The following ACOX3 variants were observed in gnomAD, a reference collection of about 807,000 sequenced individuals.
The protein encoded by ACOX3 is acyl-CoA oxidase 3, pristanoyl, also known as peroxisomal acyl-coenzyme A oxidase 3.
In ACOX3, 73 loss-of-function variants were observed where a neutral mutation model predicts 81.5. The observed-to-expected ratio is 0.90, with a 90% CI of 0.74 to 1.09. The LOEUF (loss-of-function observed/expected upper bound fraction) is 1.09. Among genes scored for constraint, ACOX3 ranks in the 50% least tolerant of loss-of-function variants. The probability of loss-of-function intolerance (pLI) is 0.00; values close to 1 mark genes in which losing one functional copy is unlikely to be tolerated. For missense variants in ACOX3, 947 were observed against 928.0 expected, an observed-to-expected ratio of 1.02 and a Z score of -0.27; for synonymous variants, 387 against 375.1, an observed-to-expected ratio of 1.03 and a Z score of -0.37.
At chr4:8,391,974 G>A (rs1719042727) in intron 11 of ACOX3, among the ~76,000 whole-genome samples, 1 of 152,268 alleles carries the variant, frequency 6.6e-6, no homozygotes, top group Admixed American at 6.5e-5. Flanking sequence ...CAGATCAGCT[G>A]CTCTCTGCCT....
At chr4:8,439,594 C>T (rs1357026500) in intron 1 of ACOX3, among the ~76,000 whole-genome samples, 1 of 152,178 alleles carries the variant, frequency 6.6e-6, no homozygotes, top group Non-Finnish European at 1.5e-5. Flanking sequence ...AGGAAAAAAG[C>T]TTTTAAGACC....
chr4:8,372,864 C>T (rs773696033), intron 16 of ACOX3, among the ~76,000 whole-genome samples: 7 of 152,188 alleles, frequency 4.6e-5, no homozygotes, highest in East Asian at 1.9e-4. Flanking sequence ...CCCTGCCCAC[C>T]GCAGCAGCAC....
In ACOX3 at chr4:8,370,861, C is replaced by A; in HGVS notation, c.1983+47G>T. 3 of 1,557,080 alleles carry A rather than the reference C, an allele frequency of 1.9e-6. No homozygotes were observed. Among genetic ancestry groups the A allele is most frequent in the Non-Finnish European group, 2.7e-6 (3 of 1,130,942 alleles). ...GGAGCATCTCAGCTCCGCAGAAATG[C>A]CCATCAACCCTTGGGGCACTCCCGT... On this transcript the variant is annotated intron_variant, in intron 17 of 17. Coordinates refer to ENST00000356406, the MANE Select transcript of ACOX3 (RefSeq NM_003501.3). This position sits in a 1 kb window ranked among gnomAD's most constrained non-coding sequence, Gnocchi z 6.3.
At chr4:8,390,889 C>T (rs936523446) in intron 11 of ACOX3, among the ~76,000 whole-genome samples, 17 of 152,146 alleles carry the variant, frequency 1.1e-4, no homozygotes, top group African/African-American at 3.4e-4. Context: ...CTTCCTGCCA[C>T]GTAACAGGTT....
chr4:8,414,377 AAAATCT>A lies in ACOX3; in HGVS notation c.454-2_457del. 6.2e-7 allele frequency: 1 copy of A among 1,614,106 alleles called. No individual in the cohort carries two copies. The highest frequency in any genetic ancestry group is 8.5e-7 in the Non-Finnish European group (1 of 1,179,916). ...TAATTCGGTCAGAGCAAAACATCCA[AAAATCT>A]AAATGTCAAAGCACAAAATGATGGA... On this transcript the variant is annotated splice_acceptor_variant and coding_sequence_variant, in exon 5 of 18. Coordinates refer to ENST00000356406, the MANE Select transcript of ACOX3 (RefSeq NM_003501.3). LOFTEE classifies it high-confidence loss of function. This position sits in a 1 kb window ranked among gnomAD's most constrained non-coding sequence, Gnocchi z 6.1.
Position 8,381,130 on chromosome 4 carries a change from G to A in ACOX3, c.1653+362C>T, listed in dbSNP as rs551020784. Among the ~76,000 whole-genome samples, 118 of 152,282 alleles carry A rather than the reference G, an allele frequency of 7.7e-4. 1 individual carries two copies. The highest frequency in any genetic ancestry group is 1.2e-3 in the Non-Finnish European group (84 of 68,018). ...CAACTTGTGGAAAACCAAGCAGGGC[G>A]CTGGCATCACTCCCACGAGTCAGGA... On this transcript the variant is annotated intron_variant, in intron 14 of 17. Transcript: ENST00000356406. The surrounding 1 kb of genome is among the most constrained non-coding windows in gnomAD (Gnocchi z 4.3).
Position 8,419,162 on chromosome 4 carries a change from G to A in ACOX3, c.-14-2627C>T, listed in dbSNP as rs1296263313. ...AAAGAACCAGATAAATAGGCCAGGC[G>A]CAGTGGCTCATGCCTGTAATCCCAG... On this transcript the variant is annotated intron_variant, in intron 1 of 17. Transcript: ENST00000356406. This position sits in a 1 kb window ranked among gnomAD's most constrained non-coding sequence, Gnocchi z 4.2. Among the ~76,000 whole-genome samples, 2 of 151,982 alleles carry A rather than the reference G, an allele frequency of 1.3e-5. No homozygotes were observed. The highest frequency in any genetic ancestry group is 2.9e-5 in the Non-Finnish European group (2 of 67,988).
rs1480799968 is a variant in ACOX3, at chr4:8,423,604, G to A, written c.-14-7069C>T. Among the ~76,000 whole-genome samples the A allele has an allele frequency of 1.3e-5, 2 of 152,198 alleles. No homozygotes were observed. The highest frequency in any genetic ancestry group is 2.9e-5 in the Non-Finnish European group (2 of 68,042). ...GAAACCCAATGGACAGTGGAGGTTA[G>A]TGCAAGATCTCAGGATTATCAATGA... On this transcript the variant is annotated intron_variant, in intron 1 of 17. Transcript: ENST00000356406. This position sits in a 1 kb window ranked among gnomAD's most constrained non-coding sequence, Gnocchi z 4.2.
intron 1 of ACOX3, among the ~76,000 whole-genome samples, chr4:8,421,212 G>C (rs1722904313): frequency 1.3e-5 from 2 of 152,346 alleles, no homozygotes; most frequent in South Asian, 4.1e-4. Context: ...CCCTTCCTTA[G>C]AATTGGAGGA....
rs1718252104 is a variant in ACOX3, at chr4:8,386,004, A to G, written c.1537+3169T>C. Among the ~76,000 whole-genome samples, 1 of 152,208 alleles carries G rather than the reference A, an allele frequency of 6.6e-6. No individual in the cohort carries two copies. Among genetic ancestry groups the G allele is most frequent in the African/African-American group, 2.4e-5 (1 of 41,432 alleles). ...TTTCACTTTGTTGCATCTTGTAAAT[A>G]TTAGAGCAGTTGCAGAAAAGCAGAT... On this transcript the variant is annotated intron_variant, in intron 13 of 17. Coordinates refer to ENST00000356406, the MANE Select transcript of ACOX3 (RefSeq NM_003501.3). The surrounding 1 kb of genome is among the most constrained non-coding windows in gnomAD (Gnocchi z 5.2).
chr4:8,375,967 G>A (rs1374726831), intron 14 of ACOX3, among the ~76,000 whole-genome samples: 1 of 152,168 alleles, frequency 6.6e-6, no homozygotes, highest in Non-Finnish European at 1.5e-5. Flanking sequence ...ATAGCGCTGC[G>A]ATGGACATAC....
chr4:8,397,111 C>A lies in ACOX3; in HGVS notation c.882G>T (p.Arg294Ser). 5 of 1,554,624 alleles carry A rather than the reference C, an allele frequency of 3.2e-6. No individual in the cohort carries two copies. The highest frequency in any genetic ancestry group is 4.3e-6 in the Non-Finnish European group (5 of 1,153,844). The change falls in exon 9 of 18, where the codon AGG becomes AGT. Residue 294 changes from arginine to serine, a missense_variant. Coordinates refer to ENST00000356406, the MANE Select transcript of ACOX3 (RefSeq NM_003501.3). The stretch of plus-strand genomic sequence containing the variant: ...TCCCCAGGGACGCTCCAAAGCGCTG[C>A]CTGACGTCCTACGGGAGGGACACAG... ...GTYVSPFKDVRQRFGASLGSL... is the reference protein window; with the variant it reads ...GTYVSPFKDVSQRFGASLGSL...
At position 8,416,251 on chromosome 4, in the gene ACOX3, G is replaced by T; in HGVS notation, c.144+127C>A. ...TGTCCTGGGGTGCAGAGAGGAGAGA[G>T]GCCGCGCTGCCTGGGATGAGCCTCG... On this transcript the variant is annotated intron_variant, in intron 2 of 17. Coordinates refer to ENST00000356406, the MANE Select transcript of ACOX3 (RefSeq NM_003501.3). The surrounding 1 kb of genome is among the most constrained non-coding windows in gnomAD (Gnocchi z 4.2). 1 of 1,492,646 alleles carries T rather than the reference G, an allele frequency of 6.7e-7. No individual in the cohort carries two copies. 92.5% of individuals were successfully genotyped at this position (1,492,646 alleles called of 1,614,324 possible).
At chr4:8,380,599 G>A (rs1578873930) in intron 14 of ACOX3, among the ~76,000 whole-genome samples, 1 of 152,182 alleles carries the variant, frequency 6.6e-6, no homozygotes, top group Non-Finnish European at 1.5e-5. Context: ...GAGGGGCGGG[G>A]CTGCCCCCCA....
the ACOX3 span, chr4:8,355,516 C>T: frequency 6.6e-6 from 1 of 152,190 alleles, no homozygotes; most frequent in Non-Finnish European, 1.5e-5. Context: ...ATTTCAGATC[C>T]TTGTCTCATA....
rs933235452 is a variant in ACOX3, at chr4:8,437,230, A to T, written c.-15+3418T>A. Among the ~76,000 whole-genome samples, 1 of 151,098 alleles carries T rather than the reference A, an allele frequency of 6.6e-6. No individual in the cohort carries two copies. Among genetic ancestry groups the T allele is most frequent in the African/African-American group, 2.4e-5 (1 of 41,138 alleles). ...CAGGCATGAATATCACCCAGTCTATAAAAGTGGCCACCAAGGCGTATGTTA... is the reference window on the plus strand; with the variant it reads ...CAGGCATGAATATCACCCAGTCTATTAAAGTGGCCACCAAGGCGTATGTTA... On this transcript the variant is annotated intron_variant, in intron 1 of 17. Transcript: ENST00000356406. This position sits in a 1 kb window ranked among gnomAD's most constrained non-coding sequence, Gnocchi z 5.2.
In ACOX3 at chr4:8,401,210, C is replaced by A. The variant is rs374373323; in HGVS notation, c.777-1558G>T. ...CACAGAGGAAGCTTTGCTGGCTCAC[C>A]CGATGCTCACCTCCTGCTGGGTGGC... On this transcript the variant is annotated intron_variant, in intron 7 of 17. Transcript: ENST00000356406. Among the ~76,000 whole-genome samples the A allele has an allele frequency of 2.6e-5, 4 of 152,086 alleles. No individual in the cohort carries two copies. The East Asian group carries it at 5.8e-4, about 22-fold the overall frequency.
chr4:8,367,178 G>C, intron 17 of ACOX3, 98 bp from the exon 18 acceptor site: 1 of 1,494,038 alleles, frequency 6.7e-7, no homozygotes. Context: ...CAAAGTTTTT[G>C]TTAAAAACAC....
At chr4:8,377,012 C>T (rs1400585487) in intron 14 of ACOX3, among the ~76,000 whole-genome samples, 3 of 151,982 alleles carry the variant, frequency 2.0e-5, no homozygotes, top group African/African-American at 7.2e-5. Context: ...CTCAGCCCTT[C>T]CTCCTTCCAC....
Sources: gnomAD v4.1 joint callset for allele counts (sites outside exome capture counted in the v4.1 genomes callset) on GRCh38, gnomAD v4.1.1 for gene constraint, Gnocchi (gnomAD v3.1) non-coding constraint, MANE v1.5 for transcripts, NCBI Gene and HGNC (gene_info 2026-07-23, HGNC 2026-07-21) for gene names.